Variants in NRG1 observed in about 807,000 individuals in gnomAD.
NRG1 encodes the protein pro-neuregulin-1, membrane-bound isoform.
In NRG1, 18 loss-of-function variants were observed where a neutral mutation model predicts 63.8. The ratio of observed to expected loss-of-function variants is 0.28; its 90% CI spans 0.19 to 0.42. The LOEUF (loss-of-function observed/expected upper bound fraction) is 0.42, where lower values mean the gene tolerates loss of function less well. Among genes scored for constraint, NRG1 ranks in the 10% least tolerant of loss-of-function variants. The pLI, the probability that NRG1 is intolerant of heterozygous loss-of-function variation, is 1.00. For missense variants in NRG1, 762 were observed against 814.7 expected (o/e 0.94, Z 0.79); for synonymous variants, 302 against 301.3 (o/e 1.00, Z -0.02).
At chr8:32,025,908 T>C (rs1817214562) in intron 1 of NRG1, among the ~76,000 whole-genome samples, 1 of 139,162 alleles carries the variant, frequency 7.2e-6, no homozygotes, top group South Asian at 2.3e-4. Flanking sequence ...ATCCCGCCGC[T>C]GCATTACGGC....
At chr8:31,691,345 C>CG (rs1809482182) in intron 1 of NRG1, among the ~76,000 whole-genome samples, 1 of 152,098 alleles carries the variant, frequency 6.6e-6, no homozygotes, top group African/African-American at 2.4e-5. Context: ...CGGTGGCTCA[C>CG]GCCTGTAATC....
At chr8:32,226,007 T>C (rs978651491) in intron 1 of NRG1, among the ~76,000 whole-genome samples, 4 of 152,302 alleles carry the variant, frequency 2.6e-5, no homozygotes, top group African/African-American at 9.6e-5. Context: ...CACTTCTCTT[T>C]ATAAATAATT....
Position 32,380,800 on chromosome 8 carries a change from T to C in NRG1, c.38-215028T>C, listed in dbSNP as rs188372088. Among the ~76,000 whole-genome samples, 709 of 152,336 alleles carry C rather than the reference T, an allele frequency of 4.7e-3. 1 individual carries two copies. The highest frequency in any genetic ancestry group is 7.8e-3 in the Non-Finnish European group (529 of 68,028). On this transcript the variant is annotated intron_variant, in intron 1 of 10. Coordinates refer to the NRG1 transcript ENST00000519301. ...TTTGTTAATGCATAATAAATGTCCA[T>C]AGTTTTGGGGTACATGTGATAATTT...
Position 31,797,035 on chromosome 8 carries a change from G to A in NRG1, c.37+157604G>A, listed in dbSNP as rs192197309. ...TGAAGTTCTGAGATAGACTGAATCT[G>A]AGCAGAATAAAAAAAAGTGGAATCA... On this transcript the variant is annotated intron_variant, in intron 1 of 10. Coordinates refer to the NRG1 transcript ENST00000519301. 2.5e-3 allele frequency among the ~76,000 whole-genome samples: 387 copies of A among 152,180 alleles called. 3 individuals carry two copies. The highest frequency in any genetic ancestry group is 4.6e-3 in the Admixed American group (70 of 15,296).
chr8:32,074,169 G>A (rs1325474394), intron 1 of NRG1, among the ~76,000 whole-genome samples: 1 of 152,120 alleles, frequency 6.6e-6, no homozygotes, highest in African/African-American at 2.4e-5. Flanking sequence ...TTTCTGTGAT[G>A]GCTTCTGGGG....
At chr8:31,706,217 G>C (rs536379663) in intron 1 of NRG1, among the ~76,000 whole-genome samples, 12 of 152,042 alleles carry the variant, frequency 7.9e-5, no homozygotes, top group African/African-American at 2.9e-4. Context: ...AGTTTTTTAT[G>C]TGTCCTTCCA....
In NRG1 at chr8:31,728,610, T is replaced by C. The variant is rs548883545; in HGVS notation, c.37+89179T>C. Among the ~76,000 whole-genome samples, 16 of 152,318 alleles carry C rather than the reference T, an allele frequency of 1.1e-4. No homozygotes were observed. In the East Asian group the frequency reaches 3.1e-3, roughly 29 times the overall value. On this transcript the variant is annotated intron_variant, in intron 1 of 10. Transcript: ENST00000519301. ...GCATCAATGTATGAAAGCTGGTGTG[T>C]TAAATTGTTATCATCATTAACAATT...
At chr8:31,957,331 C>T (rs530737981) in intron 1 of NRG1, among the ~76,000 whole-genome samples, 18 of 152,166 alleles carry the variant, frequency 1.2e-4, no homozygotes, top group Admixed American at 3.3e-4. Context: ...CCTGTACATG[C>T]CACATTTCAT....
chr8:32,615,336 T>C (rs187603854), intron 4 of NRG1, among the ~76,000 whole-genome samples: 28 of 152,248 alleles, frequency 1.8e-4, no homozygotes, highest in Admixed American at 1.4e-3. Flanking sequence ...AGACCCAAGA[T>C]TGGAAATTCA....
chr8:32,375,038 A>G (rs1205373165), intron 1 of NRG1, among the ~76,000 whole-genome samples: 3 of 152,202 alleles, frequency 2.0e-5, no homozygotes, highest in Non-Finnish European at 4.4e-5. Flanking sequence ...GCTGGAGTGC[A>G]GTGGCGAAGT....
intron 1 of NRG1, among the ~76,000 whole-genome samples, chr8:31,988,484 C>G (rs755657): frequency 0.72 from 108,704 of 151,918 alleles, 40,288 homozygotes; most frequent in Non-Finnish European, 0.82. Flanking sequence ...AGCTTACCAT[C>G]AAAATTTCTG....
chr8:31,731,006 C>T (rs1044882000), intron 1 of NRG1, among the ~76,000 whole-genome samples: 10 of 151,936 alleles, frequency 6.6e-5, no homozygotes, highest in African/African-American at 9.7e-5. Flanking sequence ...TTTGAAACAG[C>T]GGTTTTTCTC....
At chr8:32,281,805 ACC>A (rs5890633) in intron 1 of NRG1, among the ~76,000 whole-genome samples, 1 of 151,124 alleles carries the variant, frequency 6.6e-6, no homozygotes, top group African/African-American at 2.4e-5. Flanking sequence ...ACATAGTGAG[ACC>A]CCCCCCATCT....
chr8:32,489,394 T>C (rs1365544351), intron 1 of NRG1, among the ~76,000 whole-genome samples: 1 of 152,122 alleles, frequency 6.6e-6, no homozygotes, highest in Admixed American at 6.5e-5. Flanking sequence ...ATTTTTCCTA[T>C]TTATAAAAAG....
In NRG1 at chr8:32,074,940, T is replaced by C. The variant is rs143270274; in HGVS notation, c.37+435509T>C. On this transcript the variant is annotated intron_variant, in intron 1 of 10. Coordinates refer to the NRG1 transcript ENST00000519301. ...ATATAGTAGTTAAAACAAGGCCCCTTGATTCAGATTGCCTGAGTTCATATC... is the reference window on the plus strand; with the variant it reads ...ATATAGTAGTTAAAACAAGGCCCCTCGATTCAGATTGCCTGAGTTCATATC... Among the ~76,000 whole-genome samples the C allele has an allele frequency of 6.6e-3, 1,008 of 152,360 alleles. 13 individuals are homozygous for C. The highest frequency in any genetic ancestry group is 0.023 in the African/African-American group (969 of 41,588).
intron 1 of NRG1, among the ~76,000 whole-genome samples, chr8:32,183,002 C>T (rs1332152626): frequency 6.6e-6 from 1 of 152,050 alleles, no homozygotes; most frequent in African/African-American, 2.4e-5. Flanking sequence ...GGTCATATGC[C>T]TATGAAATAT....
At chr8:32,358,525 T>A (rs1222727691) in intron 1 of NRG1, among the ~76,000 whole-genome samples, 1 of 152,090 alleles carries the variant, frequency 6.6e-6, no homozygotes, top group Non-Finnish European at 1.5e-5. Flanking sequence ...AGGAATATCA[T>A]CTGAAGCTCT....
At chr8:32,130,884 G>A (rs1834722714) in intron 1 of NRG1, among the ~76,000 whole-genome samples, 1 of 151,884 alleles carries the variant, frequency 6.6e-6, no homozygotes, top group Non-Finnish European at 1.5e-5. Flanking sequence ...AAAAGGATGA[G>A]TTTCAGGTCA....
chr8:32,146,759 A>G (rs1054704751), intron 1 of NRG1, among the ~76,000 whole-genome samples: 5 of 151,986 alleles, frequency 3.3e-5, no homozygotes, highest in African/African-American at 1.2e-4. Context: ...TTTTTGTTGT[A>G]ATTGTTAATC....
Sources: allele counts gnomAD v4.1 joint callset (sites outside exome capture counted in the v4.1 genomes callset), GRCh38; gene constraint gnomAD v4.1.1; transcripts MANE v1.5; gene names NCBI Gene and HGNC (gene_info 2026-07-23, HGNC 2026-07-21).